Variants in CADM2 observed in about 807,000 individuals in gnomAD.
The protein encoded by CADM2 is immunoglobulin superfamily member 4D.
A neutral mutation model predicts 49.8 loss-of-function variants in CADM2; 12 were observed. That is an observed-to-expected ratio of 0.24 (90% confidence interval 0.15 to 0.39). CADM2 has a LOEUF of 0.39. Ranked by LOEUF, CADM2 falls within the 10% of genes least tolerant of loss-of-function variation. The pLI is 1.00. For missense variants in CADM2, 378 were observed against 492.3 expected (o/e 0.77, Z 2.20); for synonymous variants, 214 against 175.4 (o/e 1.22, Z -1.74).
chr3:85,419,940 T>C (rs938766076), intron 1 of CADM2, among the ~76,000 whole-genome samples: 1 of 152,172 alleles, frequency 6.6e-6, no homozygotes, highest in Admixed American at 6.5e-5. Context: ...GTTTATGAAT[T>C]TGTATTTCTG....
At chr3:85,516,729 G>C (rs548685173) in intron 1 of CADM2, among the ~76,000 whole-genome samples, 1 of 151,858 alleles carries the variant, frequency 6.6e-6, no homozygotes, top group African/African-American at 2.4e-5. Flanking sequence ...ATATAAGAAA[G>C]GTAGTTCAAC....
chr3:85,231,940 C>G (rs2042298998), intron 1 of CADM2, among the ~76,000 whole-genome samples: 2 of 151,524 alleles, frequency 1.3e-5, no homozygotes, highest in Admixed American at 1.3e-4. Context: ...GTCTCGAACT[C>G]CTGACCCCAA....
chr3:85,202,477 G>T (rs2041530079), intron 1 of CADM2, among the ~76,000 whole-genome samples: 1 of 152,138 alleles, frequency 6.6e-6, no homozygotes, highest in African/African-American at 2.4e-5. Flanking sequence ...TTGTTGAGAA[G>T]AAATATTTTT....
At chr3:85,359,031 G>A (rs947872331) in intron 1 of CADM2, among the ~76,000 whole-genome samples, 1 of 152,130 alleles carries the variant, frequency 6.6e-6, no homozygotes, top group Non-Finnish European at 1.5e-5. Flanking sequence ...CAAGAGTCCT[G>A]TGAGACCTGT....
At chr3:85,738,523 C>T (rs2107817244) in intron 2 of CADM2, among the ~76,000 whole-genome samples, 1 of 152,322 alleles carries the variant, frequency 6.6e-6, no homozygotes, top group Admixed American at 6.5e-5. Context: ...TCTGGCACAA[C>T]AGGTGGCATG....
intron 1 of CADM2, among the ~76,000 whole-genome samples, chr3:85,262,292 A>G (rs1383782665): frequency 1.3e-5 from 2 of 152,046 alleles, no homozygotes; most frequent in Admixed American, 1.3e-4. Flanking sequence ...ATAATTTTCT[A>G]GAGAAATTTT....
intron 1 of CADM2, among the ~76,000 whole-genome samples, chr3:85,617,049 G>A (rs2107472833): frequency 6.6e-6 from 1 of 152,224 alleles, no homozygotes; most frequent in African/African-American, 2.4e-5. Flanking sequence ...GAAAACCACA[G>A]GGAATTTCTC....
intron 6 of CADM2, among the ~76,000 whole-genome samples, chr3:85,928,369 G>GA (rs1387697571): frequency 6.6e-6 from 1 of 152,086 alleles, no homozygotes; most frequent in Admixed American, 6.6e-5. Flanking sequence ...ATGTTGGGCA[G>GA]AATAGTCTTG....
chr3:85,850,418 G>A (rs1227064384), intron 3 of CADM2, among the ~76,000 whole-genome samples: 1 of 148,618 alleles, frequency 6.7e-6, no homozygotes, highest in Non-Finnish European at 1.5e-5. Flanking sequence ...TCCGCCTCCC[G>A]GGTTCACACC....
At chr3:85,565,719 T>C (rs951434868) in intron 1 of CADM2, among the ~76,000 whole-genome samples, 4 of 152,110 alleles carry the variant, frequency 2.6e-5, no homozygotes, top group Non-Finnish European at 2.9e-5. Flanking sequence ...AGCTGTAAGA[T>C]AGGGAAAATA....
chr3:85,072,562 G>C (rs1196863016), intron 1 of CADM2, among the ~76,000 whole-genome samples: 1 of 152,062 alleles, frequency 6.6e-6, no homozygotes, highest in Non-Finnish European at 1.5e-5. Flanking sequence ...TCATTTCATA[G>C]ATTATAGTTT....
chr3:85,674,578 T>A (rs1265404065), intron 1 of CADM2, among the ~76,000 whole-genome samples: 1 of 152,180 alleles, frequency 6.6e-6, no homozygotes, highest in Non-Finnish European at 1.5e-5. Flanking sequence ...GACTTTTTAG[T>A]TTTTGAAATA....
intron 1 of CADM2, among the ~76,000 whole-genome samples, chr3:85,205,694 A>C (rs1022055693): frequency 3.9e-5 from 6 of 152,148 alleles, no homozygotes; most frequent in Non-Finnish European, 7.3e-5. Flanking sequence ...ATATTATTTA[A>C]AAACTTTTCT....
chr3:85,397,688 A>G (rs946886798), intron 1 of CADM2, among the ~76,000 whole-genome samples: 1 of 152,182 alleles, frequency 6.6e-6, no homozygotes, highest in Non-Finnish European at 1.5e-5. Context: ...ACACATTCAT[A>G]CAGACACAAA....
In CADM2 at chr3:85,388,202, T is replaced by A. The variant is rs1366843461; in HGVS notation, c.62-338320T>A. Among the ~76,000 whole-genome samples the A allele has an allele frequency of 3.3e-5, 5 of 152,176 alleles. No individual in the cohort carries two copies. In the East Asian group the frequency reaches 9.6e-4, roughly 29 times the overall value. On this transcript the variant is annotated intron_variant, in intron 1 of 9. Transcript: ENST00000383699. ...TAGCACCATGCCTGGCCAATTTTATTTTTTGTAGAGATGAGGTCTCACCAA... is the reference window on the plus strand; with the variant it reads ...TAGCACCATGCCTGGCCAATTTTATATTTTGTAGAGATGAGGTCTCACCAA...
intron 3 of CADM2, among the ~76,000 whole-genome samples, chr3:85,802,644 AT>A (rs2072122800): frequency 6.6e-6 from 1 of 152,138 alleles, no homozygotes; most frequent in Non-Finnish European, 1.5e-5. Flanking sequence ...AATTGTAAAA[AT>A]GATTCACAGA....
At chr3:85,212,876 T>TCTCTCTCTCTCTCTCTCTCTCTCTC (rs2041826930) in intron 1 of CADM2, among the ~76,000 whole-genome samples, 1 of 89,694 alleles carries the variant, frequency 1.1e-5, no homozygotes, top group Non-Finnish European at 2.5e-5. Context: ...CTTTCTTTCT[T>TCTCTCTCTCTCTCTCTCTCTCTCTC]TCTTTCTTTC....
intron 1 of CADM2, among the ~76,000 whole-genome samples, chr3:85,647,886 A>T (rs966861652): frequency 3.4e-4 from 51 of 151,996 alleles, no homozygotes; most frequent in Middle Eastern, 3.4e-3. Flanking sequence ...CACTCAGTTG[A>T]TTAGTGTTTA....
intron 1 of CADM2, among the ~76,000 whole-genome samples, chr3:85,719,566 G>A (rs967177704): frequency 6.6e-6 from 1 of 152,134 alleles, no homozygotes; most frequent in African/African-American, 2.4e-5. Context: ...TCATAAAGAG[G>A]AGAAAATATA....
Sources: gnomAD v4.1 joint callset for allele counts (sites outside exome capture counted in the v4.1 genomes callset) on GRCh38, gnomAD v4.1.1 for gene constraint, MANE v1.5 for transcripts, NCBI Gene and HGNC (gene_info 2026-07-23, HGNC 2026-07-21) for gene names.